The following MUC17 variants were observed in gnomAD, a reference collection of about 807,000 sequenced individuals.
The protein encoded by MUC17 is mucin-17.
MUC17 carries 190 observed loss-of-function variants against 170.3 expected under a neutral mutation model. That is an observed-to-expected ratio of 1.12 (90% CI 0.99 to 1.26). The LOEUF (loss-of-function observed/expected upper bound fraction) is 1.26, where lower values mean the gene tolerates loss of function less well. Among genes scored for constraint, MUC17 ranks in the 50% most tolerant of loss-of-function variants. The pLI is 0.00. For synonymous variants in MUC17, 2,325 were observed against 2,002.5 expected (o/e 1.16, Z -4.30); for missense variants, 6,415 against 5,530.0 (o/e 1.16, Z -5.08).
intron 1 of MUC17, among the ~76,000 whole-genome samples, chr7:101,029,563 G>A (rs1346772067): frequency 2.0e-5 from 3 of 151,590 alleles, no homozygotes; most frequent in Non-Finnish European, 2.9e-5. Flanking sequence ...TTGGGTGCTG[G>A]GAATTTTTGC....
chr7:101,053,430 T>A lies in MUC17; in HGVS notation c.13357T>A (p.Cys4453Ser), dbSNP rs1401417324. The change falls in exon 11 of 13, where the codon TGC becomes AGC. Residue 4453 changes from cysteine to serine, a missense_variant. By Grantham distance (112) the Cys-to-Ser change is moderately radical (BLOSUM62 -1). Coordinates refer to ENST00000306151, the MANE Select transcript of MUC17 (RefSeq NM_001040105.2). Reference sequence around the variant, plus strand: ...CTTCCAAAACATTGGCTTTGACATCTGCCAAGGTATTGGCCTTCCTCTCTG... The same window carrying A: ...CTTCCAAAACATTGGCTTTGACATCAGCCAAGGTATTGGCCTTCCTCTCTG... The part of the protein sequence containing the change: ...GTFQNIGFDI[C>S]QDDDSIHLES... The A allele has an allele frequency of 1.2e-6, 2 of 1,613,040 alleles. No individual in the cohort carries two copies. Among genetic ancestry groups the A allele is most frequent in the Non-Finnish European group, 1.7e-6 (2 of 1,179,600 alleles).
rs751319331 is a variant in MUC17, at chr7:101,042,185, G to C, written c.10769G>C (p.Ser3590Thr). Residue 3590 changes from serine to threonine, a missense_variant, in exon 3 of 13, where the codon AGT (serine) becomes ACT (threonine). Physicochemically the swap from Ser to Thr is moderately conservative, Grantham distance 58. Coordinates refer to ENST00000306151, the MANE Select transcript of MUC17 (RefSeq NM_001040105.2). ...TMLLSSTYVT[S>T]SEASTPSTPS... The stretch of plus-strand genomic sequence containing the variant: ...CTCCTCAGCAGCACATATGTGACCA[G>C]TTCTGAGGCTAGCACACCTTCCACT... 13 of 1,614,060 alleles carry C rather than the reference G, an allele frequency of 8.1e-6. No homozygotes were observed. The South Asian group carries it at 1.1e-4, about 14-fold the overall frequency.
chr7:101,031,534 A>G (rs1291690038), intron 2 of MUC17, 67 bp from the exon 3 acceptor site: 2 of 1,456,726 alleles, frequency 1.4e-6, no homozygotes, highest in African/African-American at 2.8e-5. Context: ...GCCCAACTAC[A>G]ACAATCACTC....
chr7:101,035,637 G>GGTAGTCA lies in MUC17; in HGVS notation c.4224_4230dup (p.Glu1412GlnfsTer3). On this transcript the variant is annotated frameshift_variant, in exon 3 of 13. Transcript: ENST00000306151. LOFTEE classifies it high-confidence loss of function. ...CAAGTATACCTGTCAGCACCACGCC[G>GGTAGTCA]GTAGTCAGTTCTGAGGCTAGCACCC... 1 of 1,609,550 alleles carries GGTAGTCA rather than the reference G, an allele frequency of 6.2e-7. No homozygotes were observed. Among genetic ancestry groups the GGTAGTCA allele is most frequent in the South Asian group, 1.1e-5 (1 of 90,444 alleles).
Position 101,040,917 on chromosome 7 carries a change from A to T in MUC17, c.9501A>T (p.Thr3167=). Reference sequence around the variant, plus strand: ...CTAGTGAAGGAAGTACTCCATTAACATATATGCCTGTCAGCACCATGCTGG... The same window carrying T: ...CTAGTGAAGGAAGTACTCCATTAACTTATATGCCTGTCAGCACCATGCTGG... ...STPSEGSTPL[T]YMPVSTMLVV... is the part of the protein sequence containing the mutation. The change falls in exon 3 of 13, where the codon ACA becomes ACT. Residue 3167 remains threonine, a synonymous_variant. Coordinates refer to ENST00000306151, the MANE Select transcript of MUC17 (RefSeq NM_001040105.2). 6.2e-7 allele frequency: 1 copy of T among 1,612,510 alleles called. No individual in the cohort carries two copies. The highest frequency in any genetic ancestry group is 8.5e-7 in the Non-Finnish European group (1 of 1,179,810).
rs573793527 is a variant in MUC17 at position 101,047,442 on chromosome 7, C to G, written c.12404-542C>G. ...TGCACTCGGACCCATCGGGACGTGG[C>G]TTAGCCTCTCTCTGACTCACTTTGC... On this transcript the variant is annotated intron_variant, in intron 3 of 12. Coordinates refer to ENST00000306151, the MANE Select transcript of MUC17 (RefSeq NM_001040105.2). 1.2e-4 allele frequency among the ~76,000 whole-genome samples: 18 copies of G among 152,282 alleles called. No individual in the cohort carries two copies. The South Asian group carries it at 3.7e-3, about 32-fold the overall frequency.
chr7:101,035,508 C>T lies in MUC17; in HGVS notation c.4092C>T (p.Asn1364=), dbSNP rs754857409. 11 of 1,596,514 alleles carry T rather than the reference C, an allele frequency of 6.9e-6. No homozygotes were observed. The highest frequency in any genetic ancestry group is 1.7e-4 in the Middle Eastern group (1 of 5,992). ...ISILSTTPVD[N]STPVTTSTEA... ...TCCTTTCAACAACTCCTGTTGACAA[C>T]AGCACACCTGTGACCACTTCTACTG... The change falls in exon 3 of 13, where the codon AAC becomes AAT. Residue 1364 remains asparagine (N), a synonymous_variant. Coordinates refer to ENST00000306151, the MANE Select transcript of MUC17 (RefSeq NM_001040105.2).
rs1392248180 is a variant in MUC17, at chr7:101,031,157, G to A, written c.120G>A (p.Gly40=). 2 of 1,613,860 alleles carry A rather than the reference G, an allele frequency of 1.2e-6. No homozygotes were observed. The highest frequency in any genetic ancestry group is 1.7e-6 in the Non-Finnish European group (2 of 1,179,890). ...ACAGGGCTGTGTGGGATGGAGGAGG[G>A]TGCATCTCCCAAGGGGACGTCTTGA... ...SVNRAVWDGG[G]CISQGDVLNR... The change falls in exon 2 of 13, where the codon GGG becomes GGA. Residue 40 remains glycine, a synonymous_variant. Coordinates refer to ENST00000306151, the MANE Select transcript of MUC17 (RefSeq NM_001040105.2).
Position 101,031,736 on chromosome 7 carries a change from G to A in MUC17, c.320G>A (p.Ser107Asn). The change falls in exon 3 of 13, where the codon AGT becomes AAT. Residue 107 changes from serine to asparagine, a missense_variant. Transcript: ENST00000306151. ...SVTSDTPGVSSTRMTPTESRT... is the reference protein window; with the variant it reads ...SVTSDTPGVSNTRMTPTESRT... ...ACTTCAGACACTCCTGGTGTCTCCA[G>A]TACCAGGATGACACCAACAGAATCC... 6.2e-7 allele frequency: 1 copy of A among 1,603,054 alleles called. No individual in the cohort carries two copies. Among genetic ancestry groups the A allele is most frequent in the Non-Finnish European group, 8.5e-7 (1 of 1,169,902 alleles).
rs1307690734 is a variant in MUC17, at chr7:101,032,843, C to T, written c.1427C>T (p.Pro476Leu). ...SSEASNLSTT[P>L]VDSKTQVTTS... ...GAGGCTAGCAACCTTTCAACAACTC[C>T]TGTTGACTCCAAAACTCAGGTGACC... The change falls in exon 3 of 13, where the codon CCT becomes CTT. Residue 476 changes from proline to leucine, a missense_variant. Pro to Leu is a moderately conservative substitution (Grantham distance 98, BLOSUM62 -3). Coordinates refer to ENST00000306151, the MANE Select transcript of MUC17 (RefSeq NM_001040105.2). 6.2e-7 allele frequency: 1 copy of T among 1,613,908 alleles called. No homozygotes were observed. Among genetic ancestry groups the T allele is most frequent in the Non-Finnish European group, 8.5e-7 (1 of 1,179,900 alleles).
At position 101,041,585 on chromosome 7, in the gene MUC17, C is replaced by T; in HGVS notation, c.10169C>T (p.Pro3390Leu). 1 of 1,613,636 alleles carries T rather than the reference C, an allele frequency of 6.2e-7. No homozygotes were observed. Among genetic ancestry groups the T allele is most frequent in the Non-Finnish European group, 8.5e-7 (1 of 1,179,908 alleles). The change falls in exon 3 of 13, where the codon CCA becomes CTA. Residue 3390 changes from proline to leucine, a missense_variant. Physicochemically the swap from Pro to Leu is moderately conservative, Grantham distance 98. Coordinates refer to ENST00000306151, the MANE Select transcript of MUC17 (RefSeq NM_001040105.2). ...ACAACTGCTGAAGGTACCAGCATAC[C>T]AACCTCAAGTCCTAGTGAAGGAACC... ...SPTTAEGTSI[P>L]TSSPSEGTTP...
intron 4 of MUC17, 94 bp from the exon 5 acceptor site, chr7:101,048,751 T>C: frequency 7.0e-7 from 1 of 1,430,200 alleles, no homozygotes; most frequent in Admixed American, 2.1e-5. Context: ...TACCATAAAA[T>C]ACAATGGAGC....
intron 5 of MUC17, 124 bp from the exon 6 acceptor site, chr7:101,049,200 C>A: frequency 6.8e-7 from 1 of 1,476,532 alleles, no homozygotes; most frequent in Non-Finnish European, 9.4e-7. Context: ...AGAAACCACT[C>A]CATTTGATGA....
intron 12 of MUC17, among the ~76,000 whole-genome samples, chr7:101,057,194 T>C (rs1795060688): frequency 6.6e-6 from 1 of 152,224 alleles, no homozygotes; most frequent in Non-Finnish European, 1.5e-5. Context: ...TTTCCCCTCA[T>C]GATTAAGGCC....
chr7:101,050,108 G>A (rs1351759008), intron 6 of MUC17, among the ~76,000 whole-genome samples: 1 of 152,160 alleles, frequency 6.6e-6, no homozygotes. Context: ...TCCAGCCTGG[G>A]CAGCAGTGAG....
chr7:101,030,239 T>TC (rs1485785391), intron 1 of MUC17, among the ~76,000 whole-genome samples: 1 of 151,836 alleles, frequency 6.6e-6, no homozygotes, highest in Non-Finnish European at 1.5e-5. Flanking sequence ...GCTTTTTTTT[T>TC]TTTTTTTGAG....
rs771488253 is a variant in MUC17, at chr7:101,032,765, G to C, written c.1349G>C (p.Gly450Ala). ...TSIATSTPSE[G>A]STPLTSMPVS... ...ATTGCAACCTCAACTCCTAGTGAAGGAAGCACTCCATTAACAAGTATGCCT... is the reference window on the plus strand; with the variant it reads ...ATTGCAACCTCAACTCCTAGTGAAGCAAGCACTCCATTAACAAGTATGCCT... The change falls in exon 3 of 13, where the codon GGA becomes GCA. Residue 450 changes from glycine (G) to alanine (A), a missense_variant. Physicochemically the swap from Gly to Ala is moderately conservative, Grantham distance 60 (BLOSUM62 0). Coordinates refer to ENST00000306151, the MANE Select transcript of MUC17 (RefSeq NM_001040105.2). 3 of 1,614,038 alleles carry C rather than the reference G, an allele frequency of 1.9e-6. No homozygotes were observed. The highest frequency in any genetic ancestry group is 3.3e-5 in the Admixed American group (2 of 60,012).
rs1211645458 is a variant in MUC17 at position 101,035,263 on chromosome 7, A to G, written c.3847A>G (p.Ile1283Val). 2 of 1,608,830 alleles carry G rather than the reference A, an allele frequency of 1.2e-6. No homozygotes were observed. The highest frequency in any genetic ancestry group is 8.5e-7 in the Non-Finnish European group (1 of 1,176,260). Residue 1283 changes from isoleucine to valine, a missense_variant, in exon 3 of 13, where the codon ATA (isoleucine) becomes GTA (valine). Coordinates refer to ENST00000306151, the MANE Select transcript of MUC17 (RefSeq NM_001040105.2). ...TGAAGGAAGTACTCTATTAACAAGT[A>G]TACCTGTCAGCACCACGCTGGTGAC... ...TSEGSTLLTS[I>V]PVSTTLVTSP...
chr7:101,037,353 T>C lies in MUC17; in HGVS notation c.5937T>C (p.Ala1979=). Residue 1979 remains alanine (A), a synonymous_variant, in exon 3 of 13, where the codon GCT becomes GCC. Coordinates refer to ENST00000306151, the MANE Select transcript of MUC17 (RefSeq NM_001040105.2). ...TADGTSMPTP[A]YSEGSTPLTS... ...ATGGTACCAGCATGCCAACCCCAGC[T>C]TATAGTGAAGGAAGCACTCCACTAA... The C allele has an allele frequency of 6.2e-7, 1 of 1,614,048 alleles. No homozygotes were observed. The highest frequency in any genetic ancestry group is 2.2e-5 in the East Asian group (1 of 44,862).
Sources: allele counts gnomAD v4.1 joint callset (sites outside exome capture counted in the v4.1 genomes callset), GRCh38; gene constraint gnomAD v4.1.1; transcripts MANE v1.5; gene names NCBI Gene and HGNC (gene_info 2026-07-23, HGNC 2026-07-21).